The following HLF variants were observed in gnomAD, a reference collection of about 807,000 sequenced individuals.
HLF encodes HLF transcription factor, PAR bZIP family member.
In HLF, 3 loss-of-function variants were observed where a neutral mutation model predicts 22.6. That is an observed-to-expected ratio of 0.13 (90% CI 0.06 to 0.34). The LOEUF is 0.34. HLF is among the 10% of genes least tolerant of loss of function. The probability of loss-of-function intolerance (pLI) is 1.00; values close to 1 mark genes in which losing one functional copy is unlikely to be tolerated. For missense variants in HLF, 299 were observed against 389.2 expected, an observed-to-expected ratio of 0.77 and a Z score of 1.95; for synonymous variants, 151 against 151.8, an observed-to-expected ratio of 0.99 and a Z score of 0.04.
At chr17:55,283,471 T>C (rs1407040080) in intron 2 of HLF, 1 of 152,294 alleles carries the variant, frequency 6.6e-6, no homozygotes, top group Non-Finnish European at 1.5e-5. Flanking sequence ...GAAGATCCTT[T>C]AGTAGTTGTC....
Position 55,322,199 on chromosome 17 carries a change from A to G in HLF, c.*1320A>G, listed in dbSNP as rs944530756. Reference sequence around the variant, plus strand: ...AAATGAATGTAAAAGACACTGGTGTATCTCAGAAGGGGATGGTGTTGTCAC... The same window carrying G: ...AAATGAATGTAAAAGACACTGGTGTGTCTCAGAAGGGGATGGTGTTGTCAC... On this transcript the variant is annotated 3_prime_UTR_variant, in exon 4 of 4. Coordinates refer to ENST00000226067, the MANE Select transcript of HLF (RefSeq NM_002126.5). 1 of 201,176 alleles carries G rather than the reference A, an allele frequency of 5.0e-6. No homozygotes were observed. Among genetic ancestry groups the G allele is most frequent in the Non-Finnish European group, 1.0e-5 (1 of 97,366 alleles). The allele number at this position is 201,176 out of a possible 1,614,324, so 12.5% of individuals were successfully genotyped here. A position where few individuals can be genotyped will look rare whatever the true frequency, so the allele number is the denominator to read the frequency against.
At chr17:55,265,965 G>A in intron 1 of HLF, 1 of 606,926 alleles carries the variant, frequency 1.6e-6, no homozygotes, top group Non-Finnish European at 2.1e-6. Flanking sequence ...TCCCGGGCTG[G>A]GGAGGAGAAA....
intron 2 of HLF, among the ~76,000 whole-genome samples, chr17:55,311,396 C>G (rs151062495): frequency 1.3e-5 from 2 of 151,798 alleles, no homozygotes; most frequent in Non-Finnish European, 2.9e-5. Flanking sequence ...CCCAGCTACT[C>G]GGGAGGCTGA....
Position 55,320,880 on chromosome 17 carries a change from G to T in HLF, c.*1G>T. 7 of 1,608,756 alleles carry T rather than the reference G, an allele frequency of 4.4e-6. No individual in the cohort carries two copies. Among genetic ancestry groups the T allele is most frequent in the Non-Finnish European group, 5.9e-6 (7 of 1,177,934 alleles). On this transcript the variant is annotated 3_prime_UTR_variant, in exon 4 of 4. Coordinates refer to ENST00000226067, the MANE Select transcript of HLF (RefSeq NM_002126.5). The surrounding 1 kb of genome is among the most constrained non-coding windows in gnomAD (Gnocchi z 4.2). Reference sequence around the variant, plus strand: ...TGAGGCCAGGCACGGGCCCCTGTAGGATGGCATTTTTGCAGGCTGGCTTTG... The same window carrying T: ...TGAGGCCAGGCACGGGCCCCTGTAGTATGGCATTTTTGCAGGCTGGCTTTG...
chr17:55,313,930 T>G (rs1904956432), intron 2 of HLF, among the ~76,000 whole-genome samples: 1 of 152,162 alleles, frequency 6.6e-6, no homozygotes, highest in Non-Finnish European at 1.5e-5. Context: ...GATCACGGTT[T>G]CACAGTTTTG....
rs1905340084 is a variant in HLF at position 55,323,596 on chromosome 17, T to C, written c.*2717T>C. On this transcript the variant is annotated 3_prime_UTR_variant, in exon 4 of 4. Transcript: ENST00000226067. ...CCTCGTCTTACAAATTTAAACACTT[T>C]GGAGTCTGTACAGGTGCCTTATATG... is the stretch of plus-strand genomic sequence containing the variant. The C allele has an allele frequency of 4.4e-6, 1 of 226,860 alleles. No homozygotes were observed. Among genetic ancestry groups the C allele is most frequent in the Admixed American group, 5.7e-5 (1 of 17,508 alleles). 14.1% of individuals were successfully genotyped at this position (226,860 alleles called of 1,614,324 possible). A position where few individuals can be genotyped will look rare whatever the true frequency, so the allele number is the denominator to read the frequency against.
At chr17:55,319,776 A>G (rs964374470) in intron 3 of HLF, among the ~76,000 whole-genome samples, 4 of 151,990 alleles carry the variant, frequency 2.6e-5, no homozygotes, top group Non-Finnish European at 4.4e-5. Flanking sequence ...ATTATATGAT[A>G]TTGTAATAGT....
intron 2 of HLF, among the ~76,000 whole-genome samples, chr17:55,299,167 G>A (rs2081135202): frequency 6.6e-6 from 1 of 152,202 alleles, no homozygotes; most frequent in African/African-American, 2.4e-5. Flanking sequence ...GATGCCAGAG[G>A]CATAAAGTCC....
intron 2 of HLF, among the ~76,000 whole-genome samples, chr17:55,278,911 A>G (rs1467827846): frequency 6.6e-6 from 1 of 152,250 alleles, no homozygotes; most frequent in Admixed American, 6.5e-5. Context: ...AAAGATTTAT[A>G]GAGGAAAGAG....
chr17:55,295,311 A>G (rs2081101842), intron 2 of HLF, among the ~76,000 whole-genome samples: 2 of 152,244 alleles, frequency 1.3e-5, no homozygotes, highest in African/African-American at 4.8e-5. Context: ...GCTGATACTA[A>G]GAATGAATTT....
intron 2 of HLF, among the ~76,000 whole-genome samples, chr17:55,277,274 T>TGTGCGTGC (rs71361764): frequency 8.8e-6 from 1 of 113,896 alleles, no homozygotes; most frequent in African/African-American, 3.3e-5. Context: ...TGTGTGTGTG[T>TGTGCGTGC]GCGCGCGCAT....
At chr17:55,288,294 T>C (rs995786417) in intron 2 of HLF, among the ~76,000 whole-genome samples, 7 of 151,956 alleles carry the variant, frequency 4.6e-5, no homozygotes, top group African/African-American at 1.7e-4. Context: ...ATTACAGGCA[T>C]GCACCACCAT....
At chr17:55,299,651 T>A (rs2081139492) in intron 2 of HLF, among the ~76,000 whole-genome samples, 2 of 152,214 alleles carry the variant, frequency 1.3e-5, no homozygotes, top group Admixed American at 6.5e-5. Context: ...TCTAGCGCAC[T>A]GCAGCCTTCA....
chr17:55,267,714 T>C (rs1476357083), intron 1 of HLF, 37 bp from the exon 2 acceptor site: 6 of 1,419,212 alleles, frequency 4.2e-6, no homozygotes, highest in East Asian at 2.3e-5. Flanking sequence ...TTCTTTTCTT[T>C]CTTTTTTTTT....
chr17:55,309,456 A>G (rs1195444845), intron 2 of HLF, among the ~76,000 whole-genome samples: 2 of 152,154 alleles, frequency 1.3e-5, no homozygotes, highest in African/African-American at 4.8e-5. Flanking sequence ...TGATGATGGT[A>G]TCATCATCGA....
rs1474121018 is a variant in HLF, at chr17:55,318,827, T to G, written c.673-1837T>G. 3 of 152,558 alleles carry G rather than the reference T, an allele frequency of 2.0e-5. No individual in the cohort carries two copies. In the East Asian group the frequency reaches 5.8e-4, roughly 29 times the overall value. The allele number at this position is 152,558 out of a possible 1,614,324, so 9.5% of individuals were successfully genotyped here. On this transcript the variant is annotated intron_variant, in intron 3 of 3. Transcript: ENST00000226067. ...ATAACTTCCATCAGAACTGGAGGCT[T>G]CACCACTGTTGTTAACTGGAGGCTT...
intron 2 of HLF, among the ~76,000 whole-genome samples, chr17:55,290,299 G>A (rs531648763): frequency 5.9e-5 from 9 of 152,304 alleles, no homozygotes; most frequent in African/African-American, 2.2e-4. Context: ...ACACTTTGCC[G>A]ATAGTGTGTT....
intron 2 of HLF, among the ~76,000 whole-genome samples, chr17:55,298,905 G>A (rs1287916503): frequency 6.6e-6 from 1 of 152,202 alleles, no homozygotes; most frequent in Non-Finnish European, 1.5e-5. Context: ...TGTTAATTCA[G>A]ATTATAGATA....
At chr17:55,319,128 C>G (rs989379423) in intron 3 of HLF, 1 of 152,156 alleles carries the variant, frequency 6.6e-6, no homozygotes, top group African/African-American at 2.4e-5. Context: ...GCTGGGGGTG[C>G]TTTATTTAAG....
Sources: gnomAD v4.1 joint callset for allele counts (sites outside exome capture counted in the v4.1 genomes callset) on GRCh38, gnomAD v4.1.1 for gene constraint, Gnocchi (gnomAD v3.1) non-coding constraint, MANE v1.5 for transcripts, NCBI Gene and HGNC (gene_info 2026-07-23, HGNC 2026-07-21) for gene names.